Variants in EXOC6B observed in about 807,000 individuals in gnomAD.
EXOC6B encodes SEC15 homolog B.
EXOC6B carries 54 observed loss-of-function variants against 113.5 expected under a neutral mutation model. The ratio of observed to expected loss-of-function variants is 0.48; its 90% confidence interval spans 0.38 to 0.60. The LOEUF (loss-of-function observed/expected upper bound fraction) is 0.60, where lower values mean the gene tolerates loss of function less well. Ranked by LOEUF, EXOC6B falls within the 20% of genes least tolerant of loss-of-function variation. EXOC6B has a pLI of 0.00. For missense variants in EXOC6B, 797 were observed against 977.5 expected (o/e 0.82, Z 2.46); for synonymous variants, 357 against 339.0 (o/e 1.05, Z -0.58).
At chr2:72,600,958 A>G (rs916443108) in intron 6 of EXOC6B, among the ~76,000 whole-genome samples, 1 of 152,172 alleles carries the variant, frequency 6.6e-6, no homozygotes, top group African/African-American at 2.4e-5. Flanking sequence ...CTATTTAAAA[A>G]AAAAGGGAAA....
At chr2:72,360,028 G>A (rs1320752386) in intron 19 of EXOC6B, among the ~76,000 whole-genome samples, 1 of 151,932 alleles carries the variant, frequency 6.6e-6, no homozygotes, top group Non-Finnish European at 1.5e-5. Flanking sequence ...CATGCTTCTT[G>A]TACAGCTTGC....
At chr2:72,702,654 G>T (rs1678465327) in intron 6 of EXOC6B, among the ~76,000 whole-genome samples, 12 of 79,970 alleles carry the variant, frequency 1.5e-4, no homozygotes, top group Non-Finnish European at 2.8e-4. Flanking sequence ...GTTTTGATTT[G>T]CATTTCTCTG....
rs70963124 is a variant in EXOC6B at position 72,335,548 on chromosome 2, G to GCACACA, written c.2123-534_2123-529dup. Reference sequence around the variant, plus strand: ...TGTATTATCTCATGACTGCATTATTGCACACACACACACACACACACACAC... The same window carrying GCACACA: ...TGTATTATCTCATGACTGCATTATTGCACACACACACACACACACACACACACACAC... On this transcript the variant is annotated intron_variant, in intron 19 of 21. Coordinates refer to ENST00000272427, the MANE Select transcript of EXOC6B (RefSeq NM_015189.3). Among the ~76,000 whole-genome samples the GCACACA allele has an allele frequency of 1.4e-3, 189 of 134,998 alleles. 3 individuals are homozygous for GCACACA. The highest frequency in any genetic ancestry group is 4.8e-3 in the African/African-American group (176 of 37,030). The allele number at this position is 134,998 out of a possible 152,430, so 88.6% of individuals were successfully genotyped here.
intron 19 of EXOC6B, among the ~76,000 whole-genome samples, chr2:72,370,347 A>G (rs1690921161): frequency 6.6e-6 from 1 of 152,192 alleles, no homozygotes; most frequent in Non-Finnish European, 1.5e-5. Context: ...GCGATCATTA[A>G]AAAGTCAGGA....
intron 6 of EXOC6B, among the ~76,000 whole-genome samples, chr2:72,647,175 C>G (rs751697688): frequency 3.3e-5 from 5 of 152,140 alleles, no homozygotes; most frequent in Non-Finnish European, 7.4e-5. Flanking sequence ...CTCCCATTCA[C>G]AATTCCTAAA....
chr2:72,713,584 C>T (rs940277271), intron 6 of EXOC6B, among the ~76,000 whole-genome samples: 7 of 149,378 alleles, frequency 4.7e-5, no homozygotes, highest in South Asian at 2.1e-4. Flanking sequence ...CCTCCCCCGT[C>T]CCCCCACCCC....
chr2:72,524,349 A>G (rs1701657243), intron 8 of EXOC6B, among the ~76,000 whole-genome samples: 1 of 152,146 alleles, frequency 6.6e-6, no homozygotes, highest in Non-Finnish European at 1.5e-5. Context: ...AAATATGTGA[A>G]AAGAACAAAC....
rs181096891 is a variant in EXOC6B, at chr2:72,788,714, C to T, written c.113+37084G>A. Among the ~76,000 whole-genome samples the T allele has an allele frequency of 6.7e-3, 1,024 of 152,190 alleles. 5 individuals are homozygous for T. The highest frequency in any genetic ancestry group is 0.011 in the South Asian group (51 of 4,812). On this transcript the variant is annotated intron_variant, in intron 1 of 21. Transcript: ENST00000272427. ...TCCAGAGGCTGAGGTGGAAGGATCG[C>T]GTGAGCCTAGGAGGTCGAAGCTGCA... is the stretch of plus-strand genomic sequence containing the variant.
At chr2:72,713,423 CTTTTTTT>C (rs201532908) in intron 6 of EXOC6B, among the ~76,000 whole-genome samples, 1 of 149,534 alleles carries the variant, frequency 6.7e-6, no homozygotes, top group African/African-American at 2.5e-5. Context: ...AGAACAAATT[CTTTTTTT>C]TTTCTTTTAT....
At chr2:72,656,507 AAG>A (rs1354700279) in intron 6 of EXOC6B, among the ~76,000 whole-genome samples, 3 of 152,306 alleles carry the variant, frequency 2.0e-5, no homozygotes, top group Non-Finnish European at 2.9e-5. Flanking sequence ...TTCACAAAAA[AAG>A]AAATAAAACA....
At chr2:72,353,150 G>A (rs1455480112) in intron 19 of EXOC6B, among the ~76,000 whole-genome samples, 3 of 152,266 alleles carry the variant, frequency 2.0e-5, no homozygotes, top group South Asian at 2.1e-4. Flanking sequence ...ATTTTCAGCT[G>A]AAGCGATGTT....
intron 8 of EXOC6B, among the ~76,000 whole-genome samples, chr2:72,528,371 G>A (rs1701837216): frequency 6.6e-6 from 1 of 151,908 alleles, no homozygotes. Flanking sequence ...CTATTCCTGG[G>A]TTCTCTATTC....
intron 6 of EXOC6B, among the ~76,000 whole-genome samples, chr2:72,619,494 T>C (rs991393487): frequency 1.3e-5 from 2 of 151,950 alleles, no homozygotes; most frequent in Non-Finnish European, 2.9e-5. Context: ...ATTAAGTGTA[T>C]TTTAAAAAGA....
chr2:72,423,520 A>C (rs912524893), intron 18 of EXOC6B, among the ~76,000 whole-genome samples: 2 of 152,218 alleles, frequency 1.3e-5, no homozygotes, highest in African/African-American at 4.8e-5. Context: ...TCTCTAGTTA[A>C]GTTTCATGGT....
chr2:72,546,463 G>T (rs759614779), intron 8 of EXOC6B, among the ~76,000 whole-genome samples: 1 of 152,108 alleles, frequency 6.6e-6, no homozygotes, highest in Non-Finnish European at 1.5e-5. Flanking sequence ...GAGAGAGAGA[G>T]AGATTATGAG....
intron 20 of EXOC6B, among the ~76,000 whole-genome samples, chr2:72,201,338 T>A (rs1347906117): frequency 6.6e-6 from 1 of 152,134 alleles, no homozygotes; most frequent in Non-Finnish European, 1.5e-5. Context: ...GATAGAAGAA[T>A]GGGGTGTTGC....
intron 20 of EXOC6B, among the ~76,000 whole-genome samples, chr2:72,221,024 T>C (rs1352009397): frequency 6.6e-6 from 1 of 152,222 alleles, no homozygotes; most frequent in East Asian, 1.9e-4. Context: ...CACAATAGAT[T>C]ACTGTAAACC....
At chr2:72,646,969 A>T (rs1211692179) in intron 6 of EXOC6B, among the ~76,000 whole-genome samples, 1 of 152,204 alleles carries the variant, frequency 6.6e-6, no homozygotes, top group Non-Finnish European at 1.5e-5. Context: ...GGCAAGAGAA[A>T]GAATTAAAGG....
intron 6 of EXOC6B, among the ~76,000 whole-genome samples, chr2:72,668,769 G>C (rs751421996): frequency 3.3e-5 from 5 of 152,164 alleles, no homozygotes; most frequent in Non-Finnish European, 5.9e-5. Flanking sequence ...ACTACTAGAG[G>C]GGAGAGAGAA....
Sources: gnomAD v4.1 joint callset for allele counts (sites outside exome capture counted in the v4.1 genomes callset) on GRCh38, gnomAD v4.1.1 for gene constraint, MANE v1.5 for transcripts, NCBI Gene and HGNC (gene_info 2026-07-23, HGNC 2026-07-21) for gene names.